Variants in ERCC6 observed in about 807,000 individuals in gnomAD.
The protein encoded by ERCC6 is ERCC excision repair 6, chromatin remodeling factor, also known as DNA excision repair protein ERCC-6.
In ERCC6, 116 loss-of-function variants were observed where a neutral mutation model predicts 158.7. The observed-to-expected ratio is 0.73, with a 90% CI of 0.63 to 0.85. ERCC6 has a LOEUF of 0.85. ERCC6 is among the 40% of genes least tolerant of loss of function. The pLI is 0.00. For missense variants in ERCC6, 1,698 were observed against 1,799.4 expected (o/e 0.94, Z 1.02); for synonymous variants, 678 against 659.3 (o/e 1.03, Z -0.43).
Position 49,471,775 on chromosome 10 carries a change from A to G in ERCC6, c.2924+601T>C, listed in dbSNP as rs145281709. On this transcript the variant is annotated intron_variant, in intron 16 of 20. Coordinates refer to ENST00000355832, the MANE Select transcript of ERCC6 (RefSeq NM_000124.4). Reference sequence around the variant, plus strand: ...TTCCAGGAATGGCCCAGCATGTGGTAAAGGGCACAGAGCTTCCTATAAAAG... The same window carrying G: ...TTCCAGGAATGGCCCAGCATGTGGTGAAGGGCACAGAGCTTCCTATAAAAG... 5.9e-5 allele frequency among the ~76,000 whole-genome samples: 9 copies of G among 152,344 alleles called. No individual in the cohort carries two copies. In the East Asian group the frequency reaches 1.7e-3, roughly 29 times the overall value.
the ERCC6 span, among the ~76,000 whole-genome samples, chr10:49,447,496 G>C: frequency 6.6e-6 from 1 of 152,080 alleles, no homozygotes; most frequent in Non-Finnish European, 1.5e-5. Flanking sequence ...GACCATCCTG[G>C]TTAATATGGT....
chr10:49,453,998 A>G (rs780209326), downstream of ERCC6, among the ~76,000 whole-genome samples: 4 of 152,104 alleles, frequency 2.6e-5, no homozygotes, highest in South Asian at 2.1e-4. Context: ...ATGTTTTTCA[A>G]TCAATTTGGA....
At position 49,524,271 on chromosome 10, in the gene ERCC6, C is replaced by T. The variant is rs148295935; in HGVS notation, c.1159G>A (p.Glu387Lys). ...TEEEEEEEDD[E>K]VEGAEADLSG... ...AGGTCCGCCTCTGCCCCCTCCACCT[C>T]GTCATCTTCCTCCTCTTCCTCCTCC... Residue 387 changes from glutamate to lysine, a missense_variant, in exon 5 of 21, where the codon GAG (glutamate) becomes AAG (lysine). By Grantham distance (56) the Glu-to-Lys change is moderately conservative. Coordinates refer to ENST00000355832, the MANE Select transcript of ERCC6 (RefSeq NM_000124.4). 241 of 1,614,016 alleles carry T rather than the reference C, an allele frequency of 1.5e-4. 2 individuals are homozygous for T. In the African/African-American group the frequency reaches 2.7e-3, roughly 18 times the overall value.
intron 7 of ERCC6, among the ~76,000 whole-genome samples, chr10:49,499,700 C>T (rs1049239599): frequency 2.0e-5 from 3 of 152,136 alleles, no homozygotes; most frequent in Non-Finnish European, 4.4e-5. Flanking sequence ...CTGATTTCTA[C>T]AGAGTCAATT....
intron 1 of ERCC6, among the ~76,000 whole-genome samples, chr10:49,534,051 T>C (rs975233122): frequency 6.8e-6 from 1 of 147,222 alleles, no homozygotes; most frequent in African/African-American, 2.5e-5. Flanking sequence ...GGAGAATCAC[T>C]TGAACCCAGG....
In ERCC6 at chr10:49,505,948, C is replaced by T. The variant is rs1466991642; in HGVS notation, c.1462G>A (p.Glu488Lys). The change falls in exon 6 of 21, where the codon GAA (glutamate) becomes AAA (lysine). Residue 488 changes from glutamate to lysine, a missense_variant. Coordinates refer to ENST00000355832, the MANE Select transcript of ERCC6 (RefSeq NM_000124.4). ...CCTTCGTCAAATTCAGCATCACTTT[C>T]CTCAGAATCGTCCTCCAGCTTCAGA... ...KRLKLEDDSEESDAEFDEGFK... is the reference protein window; with the variant it reads ...KRLKLEDDSEKSDAEFDEGFK... 1 of 1,613,464 alleles carries T rather than the reference C, an allele frequency of 6.2e-7. No individual in the cohort carries two copies. The highest frequency in any genetic ancestry group is 1.3e-5 in the African/African-American group (1 of 74,900).
intron 18 of ERCC6, among the ~76,000 whole-genome samples, chr10:49,462,085 CA>C (rs951262656): frequency 6.6e-6 from 1 of 152,058 alleles, no homozygotes; most frequent in Non-Finnish European, 1.5e-5. Context: ...CCTTCATGAA[CA>C]GATCAGAAAA....
At chr10:49,512,251 A>C (rs1295454364) in intron 5 of ERCC6, among the ~76,000 whole-genome samples, 1 of 152,170 alleles carries the variant, frequency 6.6e-6, no homozygotes, top group Non-Finnish European at 1.5e-5. Context: ...CCAGGACAGC[A>C]AGGAGGCTGG....
chr10:49,503,952 T>A (rs1034774376), intron 6 of ERCC6: 1 of 152,174 alleles, frequency 6.6e-6, no homozygotes, highest in Non-Finnish European at 1.5e-5. Context: ...AGATTGAAGT[T>A]TGTCATTTGA....
In ERCC6 at chr10:49,517,440, T is replaced by C. The variant is rs536201473; in HGVS notation, c.1397+6593A>G. 3.3e-5 allele frequency among the ~76,000 whole-genome samples: 5 copies of C among 152,120 alleles called. No homozygotes were observed. In the South Asian group the frequency reaches 1.0e-3, roughly 32 times the overall value. The stretch of plus-strand genomic sequence containing the variant: ...TAACTCTGTGCACCAAGTGATAACA[T>C]GTACCCTCAGGAGGCAGACATGTGT... On this transcript the variant is annotated intron_variant, in intron 5 of 20. Transcript: ENST00000355832.
chr10:49,534,150 A>C (rs865929622), intron 1 of ERCC6, among the ~76,000 whole-genome samples: 300 of 100,878 alleles, frequency 3.0e-3, no homozygotes, highest in African/African-American at 8.4e-3. Flanking sequence ...AAAAAAAAAA[A>C]AAAACAAAAA....
chr10:49,475,419 C>T, intron 12 of ERCC6: 1 of 451,888 alleles, frequency 2.2e-6, no homozygotes, highest in South Asian at 1.6e-5. Flanking sequence ...GTGATCTAGA[C>T]CCCCTAACTT....
At chr10:49,483,840 G>A (rs1851028926) in intron 8 of ERCC6, among the ~76,000 whole-genome samples, 1 of 151,710 alleles carries the variant, frequency 6.6e-6, no homozygotes, top group Non-Finnish European at 1.5e-5. Flanking sequence ...CAACAATGTG[G>A]ATGGAAAATA....
At chr10:49,488,997 A>G (rs1851126252) in intron 8 of ERCC6, among the ~76,000 whole-genome samples, 1 of 152,070 alleles carries the variant, frequency 6.6e-6, no homozygotes. Context: ...TGTGGCCAGG[A>G]TGGTCTCGAT....
At chr10:49,438,800 T>C in the ERCC6 span, among the ~76,000 whole-genome samples, 1 of 152,190 alleles carries the variant, frequency 6.6e-6, no homozygotes, top group African/African-American at 2.4e-5. Context: ...AATACAGCCG[T>C]TCCAAATGGG....
intron 18 of ERCC6, among the ~76,000 whole-genome samples, chr10:49,462,508 C>A (rs1384839126): frequency 6.7e-6 from 1 of 150,336 alleles, no homozygotes; most frequent in Non-Finnish European, 1.5e-5. Context: ...TAAAAAAAAA[C>A]CTGTTTCATA....
chr10:49,533,013 T>C (rs1185610495), intron 1 of ERCC6, 35 bp from the exon 2 acceptor site: 5 of 1,605,640 alleles, frequency 3.1e-6, no homozygotes, highest in African/African-American at 1.3e-5. Context: ...CTTTTCGTTA[T>C]ATAGGATTCA....
chr10:49,457,968 G>C lies in ERCC6; in HGVS notation c.*847C>G, dbSNP rs886161350. 6.6e-6 allele frequency: 1 copy of C among 152,304 alleles called. No individual in the cohort carries two copies. The highest frequency in any genetic ancestry group is 1.5e-5 in the Non-Finnish European group (1 of 68,052). 9.4% of individuals were successfully genotyped at this position (152,304 alleles called of 1,614,324 possible). On this transcript the variant is annotated 3_prime_UTR_variant, in exon 21 of 21. Coordinates refer to ENST00000355832, the MANE Select transcript of ERCC6 (RefSeq NM_000124.4). ...ACAGCCTGCCAGCCTGCAGACAAGA[G>C]AGGCCTGGAGTGGTGTCACTTCATG...
chr10:49,472,316 A>G (rs1356669525), intron 16 of ERCC6, 60 bp downstream of exon 16: 1 of 1,456,596 alleles, frequency 6.9e-7, no homozygotes, highest in African/African-American at 1.4e-5. Context: ...CACTTTGGAA[A>G]AATTCCCTGC....
Sources: allele counts gnomAD v4.1 joint callset (sites outside exome capture counted in the v4.1 genomes callset), GRCh38; gene constraint gnomAD v4.1.1; transcripts MANE v1.5; gene names NCBI Gene and HGNC (gene_info 2026-07-23, HGNC 2026-07-21).